The following ENOX1 variants were observed in gnomAD, a reference collection of about 807,000 sequenced individuals.
The protein encoded by ENOX1 is ecto-NOX disulfide-thiol exchanger 1.
ENOX1 carries 42 observed loss-of-function variants against 82.5 expected under a neutral mutation model. The observed-to-expected ratio is 0.51, with a 90% CI of 0.40 to 0.66. The LOEUF is 0.66. Among genes scored for constraint, ENOX1 ranks in the 30% least tolerant of loss-of-function variants. The pLI is 0.00. For synonymous variants in ENOX1, 271 were observed against 282.2 expected (o/e 0.96, Z 0.40); for missense variants, 608 against 811.6 (o/e 0.75, Z 3.05).
intron 3 of ENOX1, among the ~76,000 whole-genome samples, chr13:43,480,671 T>C (rs1163721621): frequency 6.6e-6 from 1 of 152,026 alleles, no homozygotes. Context: ...ACAACTGATA[T>C]CACTGATATC....
chr13:43,284,870 G>A (rs1193031612), intron 12 of ENOX1, among the ~76,000 whole-genome samples: 1 of 151,186 alleles, frequency 6.6e-6, no homozygotes, highest in South Asian at 2.1e-4. Flanking sequence ...AACAGAAAGC[G>A]CAAAAACTGG....
intron 3 of ENOX1, among the ~76,000 whole-genome samples, chr13:43,444,817 C>G (rs1001447184): frequency 6.6e-6 from 1 of 152,148 alleles, no homozygotes; most frequent in Non-Finnish European, 1.5e-5. Flanking sequence ...GGATTTCACT[C>G]TTTTATTATT....
At position 43,643,149 on chromosome 13, in the gene ENOX1, T is replaced by G. The variant is rs76133103; in HGVS notation, c.-219+24330A>C. On this transcript the variant is annotated intron_variant, in intron 2 of 16. Transcript: ENST00000690772. ...CACAAATGTGCAAGCTCCCCTACTG[T>G]ATCATAAGGTTCTTGAGGGCAGGGG... 4.0e-3 allele frequency among the ~76,000 whole-genome samples: 607 copies of G among 152,340 alleles called. 10 individuals are homozygous for G. In the East Asian group the frequency reaches 0.053, roughly 13 times the overall value.
intron 1 of ENOX1, among the ~76,000 whole-genome samples, chr13:43,692,782 G>A (rs978912085): frequency 1.3e-5 from 2 of 152,142 alleles, no homozygotes; most frequent in African/African-American, 4.8e-5. Context: ...AGTTATTGAA[G>A]ACGTGGGAAA....
In ENOX1 at chr13:43,726,751, TGTGA is replaced by T. The variant is rs1412771994; in HGVS notation, c.-284-59211_-284-59208del. Among the ~76,000 whole-genome samples, 412 of 132,558 alleles carry T rather than the reference TGTGA, an allele frequency of 3.1e-3. 2 individuals carry two copies. The highest frequency in any genetic ancestry group is 0.011 in the African/African-American group (375 of 35,054). The allele number at this position is 132,558 out of a possible 152,430, so 87.0% of individuals were successfully genotyped here. On this transcript the variant is annotated intron_variant, in intron 1 of 16. Coordinates refer to ENST00000690772, the MANE Select transcript of ENOX1 (RefSeq NM_001347969.2). ...GTGTGTGTGTGTGTGTGTGTGTGTGTGTGAGAGAGAGACAGGGTCTCACTGTGTC... is the reference window on the plus strand; with the variant it reads ...GTGTGTGTGTGTGTGTGTGTGTGTGTGAGAGAGACAGGGTCTCACTGTGTC...
At chr13:43,317,780 C>T (rs530847470) in intron 11 of ENOX1, among the ~76,000 whole-genome samples, 2 of 151,394 alleles carry the variant, frequency 1.3e-5, no homozygotes, top group South Asian at 2.1e-4. Context: ...CCGAGGTGAG[C>T]GGCTCACTAA....
intron 14 of ENOX1, among the ~76,000 whole-genome samples, chr13:43,240,955 C>G (rs192634883): frequency 2.0e-5 from 3 of 152,304 alleles, no homozygotes; most frequent in African/African-American, 7.2e-5. Flanking sequence ...ACTGCATGTG[C>G]TGGCATCCTT....
intron 14 of ENOX1, among the ~76,000 whole-genome samples, chr13:43,258,919 A>G (rs1200220437): frequency 6.6e-6 from 1 of 152,206 alleles, no homozygotes; most frequent in African/African-American, 2.4e-5. Flanking sequence ...GGCCTGATGG[A>G]ATGAAACAGG....
At chr13:43,784,643 C>T (rs1399514459) in intron 1 of ENOX1, among the ~76,000 whole-genome samples, 1 of 152,232 alleles carries the variant, frequency 6.6e-6, no homozygotes, top group Non-Finnish European at 1.5e-5. Flanking sequence ...GGAATAGCCT[C>T]ATGTGATTCC....
At chr13:43,649,794 G>GC (rs34430306) in intron 2 of ENOX1, among the ~76,000 whole-genome samples, 45,308 of 151,964 alleles carry the variant, frequency 0.3, 8,279 homozygotes, top group South Asian at 0.41. Flanking sequence ...AAGTCCCTTG[G>GC]CCTCCTAGCG....
chr13:43,563,390 A>G (rs906116572), intron 2 of ENOX1, among the ~76,000 whole-genome samples: 1 of 152,134 alleles, frequency 6.6e-6, no homozygotes, highest in African/African-American at 2.4e-5. Flanking sequence ...CAGAGAAAAC[A>G]GTTAGAAAAG....
chr13:43,598,657 T>G (rs377121173), intron 2 of ENOX1, among the ~76,000 whole-genome samples: 6 of 152,202 alleles, frequency 3.9e-5, no homozygotes, highest in Admixed American at 2.6e-4. Context: ...CAAAACTGTT[T>G]TTTCATTTTT....
chr13:43,340,893 G>A (rs1027594848), intron 9 of ENOX1, among the ~76,000 whole-genome samples: 1 of 152,160 alleles, frequency 6.6e-6, no homozygotes, highest in Non-Finnish European at 1.5e-5. Flanking sequence ...ATATATTGAT[G>A]ACTTGATATA....
intron 3 of ENOX1, among the ~76,000 whole-genome samples, chr13:43,444,665 A>G (rs951744321): frequency 6.6e-6 from 1 of 152,252 alleles, no homozygotes; most frequent in African/African-American, 2.4e-5. Flanking sequence ...AAAAAAATCA[A>G]GTTAATTCAT....
chr13:43,310,076 A>G (rs9533448), intron 11 of ENOX1, among the ~76,000 whole-genome samples: 144,578 of 151,594 alleles, frequency 0.95, 69,351 homozygotes, highest in East Asian at 1. Flanking sequence ...GGTGGCACAC[A>G]CCTGTAGTCC....
rs749617253 is a variant in ENOX1, at chr13:43,411,949, G to A, written c.175C>T (p.Pro59Ser). 3 of 1,614,154 alleles carry A rather than the reference G, an allele frequency of 1.9e-6. No homozygotes were observed. The highest frequency in any genetic ancestry group is 1.6e-4 in the Middle Eastern group (1 of 6,062). The change falls in exon 5 of 17, where the codon CCC becomes TCC. Residue 59 changes from proline to serine, a missense_variant. By Grantham distance (74) the Pro-to-Ser change is moderately conservative. Coordinates refer to ENST00000690772, the MANE Select transcript of ENOX1 (RefSeq NM_001347969.2). ...AGCTGCTGTCCAGGCAACCCTACGG[G>A]AACCATGCCCAGGTTATTCATGGCT... The part of the protein sequence containing the change: ...ATAMNNLGMV[P>S]VGLPGQQLVS...
intron 1 of ENOX1, among the ~76,000 whole-genome samples, chr13:43,778,251 T>C (rs1044511801): frequency 6.6e-6 from 1 of 152,246 alleles, no homozygotes; most frequent in Non-Finnish European, 1.5e-5. Flanking sequence ...ACCTCTTCAT[T>C]TCATAATTAA....
intron 5 of ENOX1, among the ~76,000 whole-genome samples, chr13:43,393,816 T>C (rs1026482108): frequency 6.6e-6 from 1 of 152,236 alleles, no homozygotes; most frequent in African/African-American, 2.4e-5. Flanking sequence ...CCAAATCTCA[T>C]GTCGAAATAT....
chr13:43,473,189 T>C (rs769582924), intron 3 of ENOX1, among the ~76,000 whole-genome samples: 15 of 152,354 alleles, frequency 9.8e-5, no homozygotes, highest in East Asian at 5.8e-4. Context: ...ATGTTGAACA[T>C]TGTTTCATCC....
Sources: allele counts gnomAD v4.1 joint callset (sites outside exome capture counted in the v4.1 genomes callset), GRCh38; gene constraint gnomAD v4.1.1; transcripts MANE v1.5; gene names NCBI Gene and HGNC (gene_info 2026-07-23, HGNC 2026-07-21).